Variants in PCDHA7 observed in about 807,000 individuals in gnomAD.
The protein encoded by PCDHA7 is protocadherin alpha-7.
PCDHA7 carries 37 observed loss-of-function variants against 57.2 expected under a neutral mutation model. The observed-to-expected ratio is 0.65, with a 90% CI of 0.50 to 0.85. The LOEUF is 0.85. Among genes scored for constraint, PCDHA7 ranks in the 40% least tolerant of loss-of-function variants. The pLI is 0.00. For missense variants in PCDHA7, 1,188 were observed against 1,241.8 expected, an observed-to-expected ratio of 0.96 and a Z score of 0.65; for synonymous variants, 553 against 558.8, an observed-to-expected ratio of 0.99 and a Z score of 0.15.
At chr5:140,917,326 G>GA (rs1425389614) in intron 1 of PCDHA7, among the ~76,000 whole-genome samples, 3 of 149,490 alleles carry the variant, frequency 2.0e-5, no homozygotes, top group Non-Finnish European at 4.5e-5. Flanking sequence ...TCATGTGGCG[G>GA]GGGAGGGGGG....
At chr5:140,924,104 C>A (rs538996937) in intron 1 of PCDHA7, among the ~76,000 whole-genome samples, 20 of 152,306 alleles carry the variant, frequency 1.3e-4, no homozygotes, top group Middle Eastern at 6.8e-3. Context: ...AATTTTCATT[C>A]CAAAGCAGTT....
intron 1 of PCDHA7, among the ~76,000 whole-genome samples, chr5:140,904,496 A>G (rs1174844806): frequency 1.3e-5 from 2 of 151,832 alleles, no homozygotes; most frequent in Non-Finnish European, 2.9e-5. Context: ...CCAAATTTTT[A>G]CAATTGTGAA....
intron 1 of PCDHA7, chr5:140,884,280 A>G: frequency 6.2e-7 from 1 of 1,613,576 alleles, no homozygotes; most frequent in Non-Finnish European, 8.5e-7. Context: ...TCGCTGGTGG[A>G]GAGCGGCCAA....
At chr5:140,930,918 T>G (rs1554208161) in intron 1 of PCDHA7, among the ~76,000 whole-genome samples, 1 of 152,180 alleles carries the variant, frequency 6.6e-6, no homozygotes, top group East Asian at 1.9e-4. Context: ...ACTTTAGATG[T>G]GTATATGTGG....
At chr5:140,893,011 T>C (rs1194599055) in intron 1 of PCDHA7, among the ~76,000 whole-genome samples, 1 of 152,234 alleles carries the variant, frequency 6.6e-6, no homozygotes, top group Non-Finnish European at 1.5e-5. Flanking sequence ...TATTTTTCTG[T>C]GCCTGACTTA....
chr5:140,949,915 T>A (rs1459531816), intron 1 of PCDHA7, among the ~76,000 whole-genome samples: 1 of 151,274 alleles, frequency 6.6e-6, no homozygotes, highest in African/African-American at 2.4e-5. Context: ...TAGATATAAC[T>A]ATTTTTAGAT....
At chr5:140,869,582 C>T (rs936485472) in intron 1 of PCDHA7, 7 of 1,614,088 alleles carry the variant, frequency 4.3e-6, no homozygotes, top group Middle Eastern at 1.6e-4. Context: ...GCTTCTGATG[C>T]TGACATTGAA....
chr5:140,923,814 A>G (rs1554201602), intron 1 of PCDHA7, among the ~76,000 whole-genome samples: 1 of 152,250 alleles, frequency 6.6e-6, no homozygotes, highest in Non-Finnish European at 1.5e-5. Flanking sequence ...ATCTTCTGAA[A>G]ATAGACGTCA....
chr5:141,009,935 T>C lies in PCDHA7; in HGVS notation c.2812T>C (p.Ter938ArgextTer53). The change falls in exon 4 of 4, where the codon TGA (stop) becomes CGA (arginine). Residue 938 changes from the stop codon to arginine, a stop_lost. Coordinates refer to ENST00000525929, the MANE Select transcript of PCDHA7 (RefSeq NM_018910.3). ...CAGCACGACTGACAACAGTGACCAG[T>C]GAGGTCCTCAAATGGAAACAAGCCA... ...GNSTTDNSDQ[*>R] 1.2e-6 allele frequency: 2 copies of C among 1,602,416 alleles called. No homozygotes were observed. The highest frequency in any genetic ancestry group is 1.7e-6 in the Non-Finnish European group (2 of 1,176,054).
At chr5:140,983,588 C>T (rs530448589) in intron 3 of PCDHA7, among the ~76,000 whole-genome samples, 2 of 152,270 alleles carry the variant, frequency 1.3e-5, no homozygotes, top group East Asian at 3.9e-4. Flanking sequence ...TACATCTATT[C>T]TACATATGAG....
rs2150235080 is a variant in PCDHA7, at chr5:140,835,409, T to C, written c.1026T>C (p.Asp342=). The C allele has an allele frequency of 2.5e-6, 4 of 1,613,874 alleles. No individual in the cohort carries two copies. In the East Asian group the frequency reaches 8.9e-5, roughly 36 times the overall value. Residue 342 remains aspartate (D), a synonymous_variant, in exon 1 of 4, where the codon GAT becomes GAC. Coordinates refer to ENST00000525929, the MANE Select transcript of PCDHA7 (RefSeq NM_018910.3). ...GTACAGTTCTTGTGGAAGTTGTGGA[T>C]GTAAATGACAATGCTCCACAGTTGA... ...GHCTVLVEVV[D]VNDNAPQLTL...
chr5:140,870,731 C>T (rs782095287), intron 1 of PCDHA7: 3 of 1,613,444 alleles, frequency 1.9e-6, no homozygotes, highest in Non-Finnish European at 2.5e-6. Context: ...GGCGTGCCGC[C>T]TCTGAGCAGC....
chr5:140,914,095 C>T (rs1368870998), intron 1 of PCDHA7, among the ~76,000 whole-genome samples: 1 of 152,082 alleles, frequency 6.6e-6, no homozygotes, highest in Admixed American at 6.5e-5. Context: ...TCAATTTGTT[C>T]TATAGTGCAG....
At chr5:140,861,658 G>C (rs913348410) in intron 1 of PCDHA7, 1 of 269,114 alleles carries the variant, frequency 3.7e-6, no homozygotes, top group Non-Finnish European at 7.4e-6. Flanking sequence ...TTTCTGAAAC[G>C]AGAGCTCTTG....
chr5:140,876,342 A>C, intron 1 of PCDHA7: 1 of 1,614,042 alleles, frequency 6.2e-7, no homozygotes, highest in Non-Finnish European at 8.5e-7. Flanking sequence ...TGAGTGAGAA[A>C]TGTATGTTTT....
At chr5:140,998,940 A>G (rs2097841050) in intron 3 of PCDHA7, among the ~76,000 whole-genome samples, 1 of 152,222 alleles carries the variant, frequency 6.6e-6, no homozygotes, top group African/African-American at 2.4e-5. Context: ...AGATGAAGAA[A>G]CTGTAAGTCA....
chr5:140,853,959 GC>G, intron 1 of PCDHA7: 1 of 736,848 alleles, frequency 1.4e-6, no homozygotes, highest in Non-Finnish European at 1.7e-6. Context: ...CCTTCCTTGA[GC>G]CCAGCAGTTT....
rs1417036031 is a variant in PCDHA7, at chr5:140,855,830, G to A, written c.2355+19092G>A. On this transcript the variant is annotated intron_variant, in intron 1 of 3. Coordinates refer to ENST00000525929, the MANE Select transcript of PCDHA7 (RefSeq NM_018910.3). Reference sequence around the variant, plus strand: ...AGAAAAGTTGTGAACTCATGGAATCGTACTTACACCTAAAGCCACCGGATG... The same window carrying A: ...AGAAAAGTTGTGAACTCATGGAATCATACTTACACCTAAAGCCACCGGATG... The A allele has an allele frequency of 5.8e-5, 33 of 567,192 alleles. 2 individuals carry two copies. Among genetic ancestry groups the A allele is most frequent in the Non-Finnish European group, 9.5e-5 (31 of 325,120 alleles). The allele number at this position is 567,192 out of a possible 1,614,324, so 35.1% of individuals were successfully genotyped here.
At chr5:140,945,481 C>T (rs269552) in intron 1 of PCDHA7, among the ~76,000 whole-genome samples, 33,891 of 151,742 alleles carry the variant, frequency 0.22, 4,873 homozygotes, top group African/African-American at 0.41. Flanking sequence ...ACAAAACACC[C>T]CAAATACCCA....
Sources: allele counts gnomAD v4.1 joint callset (sites outside exome capture counted in the v4.1 genomes callset), GRCh38; gene constraint gnomAD v4.1.1; transcripts MANE v1.5; gene names NCBI Gene and HGNC (gene_info 2026-07-23, HGNC 2026-07-21).